Variants in DNAJC13 observed in about 807,000 individuals in gnomAD.
The protein encoded by DNAJC13 is dnaJ homolog subfamily C member 13.
DNAJC13 carries 75 observed loss-of-function variants against 290.5 expected under a neutral mutation model. That is an observed-to-expected ratio of 0.26 (90% CI 0.21 to 0.31). DNAJC13 has a LOEUF of 0.31. DNAJC13 is among the 10% of genes least tolerant of loss of function. The pLI is 1.00. For synonymous variants in DNAJC13, 862 were observed against 892.0 expected, an observed-to-expected ratio of 0.97 and a Z score of 0.60; for missense variants, 2,260 against 2,674.5, an observed-to-expected ratio of 0.85 and a Z score of 3.42.
chr3:132,446,460 T>C lies in DNAJC13; in HGVS notation c.69-15T>C. 6.3e-7 allele frequency: 1 copy of C among 1,587,506 alleles called. No homozygotes were observed. The highest frequency in any genetic ancestry group is 8.6e-7 in the Non-Finnish European group (1 of 1,168,070). On this transcript the variant is annotated splice_polypyrimidine_tract_variant and intron_variant, in intron 2 of 55. Coordinates refer to ENST00000260818, the MANE Select transcript of DNAJC13 (RefSeq NM_015268.4). ...TTGTTTAAAACTAAATTTAAGCACTTGTTTTCCTTTGTAGGTATAAGCGTG... is the reference window on the plus strand; with the variant it reads ...TTGTTTAAAACTAAATTTAAGCACTCGTTTTCCTTTGTAGGTATAAGCGTG...
At chr3:132,467,419 C>T (rs1934033969) in intron 20 of DNAJC13, 106 bp downstream of exon 20, 1 of 1,097,284 alleles carries the variant, frequency 9.1e-7, no homozygotes, top group Admixed American at 2.5e-5. Context: ...TTGCTGAATA[C>T]CTGAAGCTTA....
rs1231797264 is a variant in DNAJC13, at chr3:132,525,656, G to A, written c.6107G>A (p.Ser2036Asn). ...ACAATGGCAACAGTGTGTCTCTTCA[G>A]CGCACAACCTCAGCTGGCAGATCAG... ...TLTMATVCLF[S>N]AQPQLADQVP... Residue 2036 changes from serine to asparagine, a missense_variant, in exon 52 of 56, where the codon AGC becomes AAC. Transcript: ENST00000260818. 6.2e-7 allele frequency: 1 copy of A among 1,614,176 alleles called. No individual in the cohort carries two copies. Among genetic ancestry groups the A allele is most frequent in the South Asian group, 1.1e-5 (1 of 91,080 alleles).
Position 132,440,125 on chromosome 3 carries a change from C to T in DNAJC13, c.68+5507C>T, listed in dbSNP as rs115506948. ...ACACAAAAATTATCTGGTGTGGTGGCGCAGGCCTGTAGTTCCAGCTACTCA... is the reference window on the plus strand; with the variant it reads ...ACACAAAAATTATCTGGTGTGGTGGTGCAGGCCTGTAGTTCCAGCTACTCA... On this transcript the variant is annotated intron_variant, in intron 2 of 55. Coordinates refer to ENST00000260818, the MANE Select transcript of DNAJC13 (RefSeq NM_015268.4). Among the ~76,000 whole-genome samples, 85 of 152,218 alleles carry T rather than the reference C, an allele frequency of 5.6e-4. 1 individual carries two copies. The Middle Eastern group carries it at 0.017, about 30-fold the overall frequency.
At chr3:132,537,189 C>T (rs1187462736) in intron 55 of DNAJC13, 1 of 456,286 alleles carries the variant, frequency 2.2e-6, no homozygotes, top group African/African-American at 2.0e-5. Context: ...CTGGCAGCAG[C>T]CCCCTTCACC....
Position 132,513,043 on chromosome 3 carries a change from A to T in DNAJC13, c.5329A>T (p.Ile1777Leu). 1 of 1,613,372 alleles carries T rather than the reference A, an allele frequency of 6.2e-7. No individual in the cohort carries two copies. Among genetic ancestry groups the T allele is most frequent in the Non-Finnish European group, 8.5e-7 (1 of 1,179,446 alleles). ...TGAATGCATTGGGCACTTTAAGTTG[A>T]TATTTTCTCTTCTCCGAGTTCATGG... ...ESECIGHFKL[I>L]FSLLRVHGAG... The change falls in exon 45 of 56, where the codon ATA (isoleucine) becomes TTA (leucine). Residue 1777 changes from isoleucine to leucine, a missense_variant. Ile to Leu is a conservative substitution (Grantham distance 5). Transcript: ENST00000260818.
chr3:132,441,237 G>A (rs1455317173), intron 2 of DNAJC13, among the ~76,000 whole-genome samples: 1 of 152,162 alleles, frequency 6.6e-6, no homozygotes, highest in Non-Finnish European at 1.5e-5. Flanking sequence ...ACAGAACTTG[G>A]GCCAGCAGGT....
intron 16 of DNAJC13, among the ~76,000 whole-genome samples, chr3:132,462,838 G>A (rs922549939): frequency 6.6e-6 from 1 of 152,168 alleles, no homozygotes; most frequent in Admixed American, 6.5e-5. Context: ...CAGTGTTGAA[G>A]TCTTGAGATA....
chr3:132,523,895 C>T (rs1489862517), intron 51 of DNAJC13, 182 bp downstream of exon 51: 2 of 581,436 alleles, frequency 3.4e-6, no homozygotes, highest in African/African-American at 3.8e-5. Flanking sequence ...AAAAGTGAAG[C>T]TCTTTAGTAT....
At chr3:132,446,336 ATAAC>A (rs1933242354) in intron 2 of DNAJC13, 135 bp from the exon 3 acceptor site, 7 of 579,246 alleles carry the variant, frequency 1.2e-5, no homozygotes, top group African/African-American at 3.9e-5. Flanking sequence ...GTGAGAATAT[ATAAC>A]TAAGCTATAT....
chr3:132,460,394 C>T, intron 14 of DNAJC13, 37 bp downstream of exon 14: 1 of 1,382,740 alleles, frequency 7.2e-7, no homozygotes, highest in Non-Finnish European at 1.0e-6. Context: ...TGGTAGATAC[C>T]ATACCATTAT....
chr3:132,516,579 T>C (rs961860618), intron 47 of DNAJC13, 83 bp downstream of exon 47: 7 of 1,540,018 alleles, frequency 4.5e-6, no homozygotes, highest in Middle Eastern at 3.4e-4. Context: ...CCTGATAAAC[T>C]AGAAGAATGC....
intron 24 of DNAJC13, 41 bp downstream of exon 24, chr3:132,478,181 A>G (rs1392591094): frequency 6.6e-7 from 1 of 1,523,604 alleles, no homozygotes; most frequent in Admixed American, 2.1e-5. Context: ...TGATAGTGTC[A>G]CTAGGGTATG....
chr3:132,440,270 A>G (rs189572829), intron 2 of DNAJC13, among the ~76,000 whole-genome samples: 2 of 152,364 alleles, frequency 1.3e-5, no homozygotes, highest in South Asian at 2.1e-4. Flanking sequence ...AAAAGCAGTT[A>G]TGGCTACTTT....
chr3:132,453,769 A>G (rs1559875374), intron 8 of DNAJC13, 75 bp downstream of exon 8: 1 of 1,226,014 alleles, frequency 8.2e-7, no homozygotes, highest in Non-Finnish European at 1.2e-6. Flanking sequence ...TTCTATTTTA[A>G]TGTTTACTCA....
intron 52 of DNAJC13, 144 bp downstream of exon 52, chr3:132,525,933 C>T (rs1936241851): frequency 5.0e-6 from 6 of 1,195,916 alleles, no homozygotes; most frequent in Non-Finnish European, 6.8e-6. Flanking sequence ...TTTATTAGTT[C>T]TGGGTTTATC....
At chr3:132,469,833 T>A (rs1934125744) in intron 20 of DNAJC13, among the ~76,000 whole-genome samples, 1 of 151,812 alleles carries the variant, frequency 6.6e-6, no homozygotes, top group South Asian at 2.1e-4. Context: ...GGGGTTTTTT[T>A]GCACTTTAAT....
At chr3:132,447,534 A>T in intron 4 of DNAJC13, 64 bp downstream of exon 4, 1 of 1,405,220 alleles carries the variant, frequency 7.1e-7, no homozygotes, top group Non-Finnish European at 9.4e-7. Context: ...AAGTAGTTAC[A>T]TAGAAGTAGA....
chr3:132,439,633 T>C (rs1453753397), intron 2 of DNAJC13, among the ~76,000 whole-genome samples: 1 of 152,172 alleles, frequency 6.6e-6, no homozygotes, highest in African/African-American at 2.4e-5. Flanking sequence ...TTTCACAAAA[T>C]GTTGTGTTGA....
intron 20 of DNAJC13, among the ~76,000 whole-genome samples, chr3:132,469,508 A>T (rs1934111535): frequency 6.6e-6 from 1 of 152,150 alleles, no homozygotes; most frequent in African/African-American, 2.4e-5. Context: ...CACTTAGTTT[A>T]TGGAGAGCTT....
Sources: gnomAD v4.1 joint callset for allele counts (sites outside exome capture counted in the v4.1 genomes callset) on GRCh38, gnomAD v4.1.1 for gene constraint, MANE v1.5 for transcripts, NCBI Gene and HGNC (gene_info 2026-07-23, HGNC 2026-07-21) for gene names.